KAZN: variants seen among roughly 807,000 people sequenced by gnomAD.
KAZN encodes kazrin, periplakin interacting protein.
KAZN carries 40 observed loss-of-function variants against 87.4 expected under a neutral mutation model. The observed-to-expected ratio is 0.46, with a 90% CI of 0.36 to 0.60. The LOEUF (loss-of-function observed/expected upper bound fraction) is 0.60. KAZN is among the 20% of genes least tolerant of loss of function. The pLI, the probability that KAZN is intolerant of heterozygous loss-of-function variation, is 0.00. For missense variants in KAZN, 898 were observed against 1,073.9 expected (o/e 0.84, Z 2.29); for synonymous variants, 466 against 458.3 (o/e 1.02, Z -0.22).
At chr1:14,901,828 G>A (rs951019998) in intron 1 of KAZN, among the ~76,000 whole-genome samples, 11 of 152,138 alleles carry the variant, frequency 7.2e-5, no homozygotes, top group East Asian at 3.8e-4. Flanking sequence ...CCAGGGTTCC[G>A]CCTCTGTCTT....
intron 1 of KAZN, among the ~76,000 whole-genome samples, chr1:14,703,776 A>G (rs1006509555): frequency 6.6e-6 from 1 of 152,220 alleles, no homozygotes; most frequent in Non-Finnish European, 1.5e-5. Context: ...GCTACTCAGG[A>G]GGCCAAACCA....
At chr1:14,418,729 G>A (rs1665054458) in intron 2 of KAZN, among the ~76,000 whole-genome samples, 2 of 152,318 alleles carry the variant, frequency 1.3e-5, no homozygotes, top group South Asian at 4.1e-4. Context: ...GATCTCTCAA[G>A]TAGGGCAGGC....
rs1226933838 is a variant in KAZN, at chr1:14,769,515, C to G, written c.226+170292C>G. ...GATTACAGGCGCCCACCACCACGCCCGGCTAATTTTGTATTTTTAGTAGAG... is the reference window on the plus strand; with the variant it reads ...GATTACAGGCGCCCACCACCACGCCGGGCTAATTTTGTATTTTTAGTAGAG... On this transcript the variant is annotated intron_variant, in intron 1 of 14. Transcript: ENST00000376030. This position sits in a 1 kb window ranked among gnomAD's most constrained non-coding sequence, Gnocchi z 4.1. Among the ~76,000 whole-genome samples, 1 of 152,084 alleles carries G rather than the reference C, an allele frequency of 6.6e-6. No individual in the cohort carries two copies.
chr1:13,953,839 A>G (rs1641444157), intron 1 of KAZN, among the ~76,000 whole-genome samples: 1 of 152,182 alleles, frequency 6.6e-6, no homozygotes, highest in South Asian at 2.1e-4. Context: ...TCATAATCTC[A>G]AAAGACAAAA....
intron 2 of KAZN, among the ~76,000 whole-genome samples, chr1:14,454,625 G>A (rs191648509): frequency 2.6e-5 from 4 of 152,296 alleles, no homozygotes; most frequent in Admixed American, 1.3e-4. Flanking sequence ...GCCAGGAAAT[G>A]TTACTTGGCT....
intron 1 of KAZN, among the ~76,000 whole-genome samples, chr1:14,652,273 TA>T (rs1638430038): frequency 6.6e-6 from 1 of 152,180 alleles, no homozygotes; most frequent in South Asian, 2.1e-4. Context: ...AGTTGTGTGA[TA>T]TTTTTACCCA....
intron 1 of KAZN, among the ~76,000 whole-genome samples, chr1:14,153,740 T>C (rs1202772569): frequency 6.9e-6 from 1 of 145,924 alleles, no homozygotes; most frequent in Non-Finnish European, 1.5e-5. Flanking sequence ...ATTGTGCCAT[T>C]GCACTCCAGC....
chr1:15,101,742 G>T lies in KAZN; in HGVS notation c.1747G>T (p.Glu583Ter). The change falls in exon 11 of 15, where the codon GAG (glutamate) becomes TAG (stop). Residue 583 changes from glutamate (E) to a stop codon, truncating the protein, a stop_gained. Transcript: ENST00000376030. LOFTEE classifies it high-confidence loss of function. ...FHQVSILLGI[E>*]LLYQVNFSRE... Reference sequence around the variant, plus strand: ...CCAGGTCAGCATCCTGCTGGGGATCGAGCTGCTGTACCAAGTGAACTTCAG... The same window carrying T: ...CCAGGTCAGCATCCTGCTGGGGATCTAGCTGCTGTACCAAGTGAACTTCAG... 1 of 1,587,418 alleles carries T rather than the reference G, an allele frequency of 6.3e-7. No homozygotes were observed. The highest frequency in any genetic ancestry group is 1.2e-5 in the South Asian group (1 of 86,566).
intron 1 of KAZN, among the ~76,000 whole-genome samples, chr1:14,661,092 C>T (rs1282292443): frequency 2.0e-5 from 3 of 152,190 alleles, no homozygotes; most frequent in African/African-American, 7.2e-5. Context: ...CTTACTAGAT[C>T]TCATTGAAAT....
chr1:14,517,019 C>T (rs1671333906), intron 2 of KAZN, among the ~76,000 whole-genome samples: 1 of 152,156 alleles, frequency 6.6e-6, no homozygotes, highest in African/African-American at 2.4e-5. Context: ...GGAACCATCT[C>T]TTCTCACTGG....
In KAZN at chr1:15,099,195, A is replaced by G. The variant is rs1012555679; in HGVS notation, c.1548-2348A>G. 6.6e-5 allele frequency among the ~76,000 whole-genome samples: 10 copies of G among 152,260 alleles called. No individual in the cohort carries two copies. The East Asian group carries it at 1.9e-3, about 29-fold the overall frequency. ...TCTGGGAGGCTGATGGGCAGAGGGA[A>G]GGAGAGTGAAGCCAAGCTGCAAGCC... On this transcript the variant is annotated intron_variant, in intron 10 of 14. Coordinates refer to ENST00000376030, the MANE Select transcript of KAZN (RefSeq NM_201628.3). The surrounding 1 kb of genome is among the most constrained non-coding windows in gnomAD (Gnocchi z 5.4).
chr1:14,755,673 G>A (rs1341878401), intron 1 of KAZN, among the ~76,000 whole-genome samples: 1 of 152,180 alleles, frequency 6.6e-6, no homozygotes, highest in Non-Finnish European at 1.5e-5. Flanking sequence ...GTTCAGTGTG[G>A]AGGGCAGCCC....
At chr1:14,318,494 C>T (rs1294176534) in intron 2 of KAZN, among the ~76,000 whole-genome samples, 2 of 151,832 alleles carry the variant, frequency 1.3e-5, no homozygotes, top group Non-Finnish European at 2.9e-5. Flanking sequence ...CCCTTTGATA[C>T]TGGTTTTCCG....
chr1:14,493,275 C>T (rs1669776674), intron 2 of KAZN, among the ~76,000 whole-genome samples: 1 of 152,292 alleles, frequency 6.6e-6, no homozygotes, highest in Middle Eastern at 3.4e-3. Context: ...AAACCAGGCA[C>T]AACACAAAGT....
intron 2 of KAZN, among the ~76,000 whole-genome samples, chr1:14,430,939 T>C (rs529087273): frequency 6.6e-6 from 1 of 152,300 alleles, no homozygotes; most frequent in East Asian, 1.9e-4. Context: ...CGCCACAGCC[T>C]CCTTAGGGAA....
chr1:14,420,766 C>A (rs1056713774), intron 2 of KAZN, among the ~76,000 whole-genome samples: 2 of 152,136 alleles, frequency 1.3e-5, no homozygotes, highest in Non-Finnish European at 2.9e-5. Context: ...CCTCACTGCC[C>A]GGGGCCGGCG....
intron 1 of KAZN, among the ~76,000 whole-genome samples, chr1:14,818,696 C>T (rs1324755546): frequency 3.3e-5 from 5 of 152,176 alleles, no homozygotes; most frequent in East Asian, 1.9e-4. Flanking sequence ...GAGCAGACCT[C>T]GGATGCATTC....
intron 1 of KAZN, among the ~76,000 whole-genome samples, chr1:14,037,980 C>T (rs1294280174): frequency 1.3e-5 from 2 of 152,120 alleles, no homozygotes; most frequent in African/African-American, 4.8e-5. Context: ...ACCTGCAAAG[C>T]TTAAGGAAGG....
At chr1:14,250,226 G>A (rs903507072) in intron 2 of KAZN, among the ~76,000 whole-genome samples, 7 of 151,990 alleles carry the variant, frequency 4.6e-5, no homozygotes, top group South Asian at 2.1e-4. Context: ...TAAAAAGCAG[G>A]AAGTATTTAG....
Sources: gnomAD v4.1 joint callset for allele counts (sites outside exome capture counted in the v4.1 genomes callset) on GRCh38, gnomAD v4.1.1 for gene constraint, Gnocchi (gnomAD v3.1) non-coding constraint, MANE v1.5 for transcripts, NCBI Gene and HGNC (gene_info 2026-07-23, HGNC 2026-07-21) for gene names.